The following BRI3BP variants were observed in gnomAD, a reference collection of about 807,000 sequenced individuals.
BRI3BP encodes the protein BRI3-binding protein.
Under a neutral mutation model 15.8 loss-of-function variants are expected in BRI3BP, and 7 were observed. The observed-to-expected ratio is 0.44, with a 90% CI of 0.25 to 0.83. The LOEUF is 0.83. BRI3BP is among the 40% of genes least tolerant of loss of function. The probability of loss-of-function intolerance (pLI) is 0.20; values close to 1 mark genes in which losing one functional copy is unlikely to be tolerated. For missense variants in BRI3BP, 320 were observed against 339.3 expected, an observed-to-expected ratio of 0.94 and a Z score of 0.45; for synonymous variants, 192 against 163.5, an observed-to-expected ratio of 1.17 and a Z score of -1.33.
chr12:125,024,974 T>C lies in BRI3BP; in HGVS notation c.317-17T>C. 3 of 1,600,112 alleles carry C rather than the reference T, an allele frequency of 1.9e-6. No individual in the cohort carries two copies. Among genetic ancestry groups the C allele is most frequent in the Non-Finnish European group, 2.6e-6 (3 of 1,170,582 alleles). The stretch of plus-strand genomic sequence containing the variant: ...GCCCCTGCGTAACGAGCCCTGTTCC[T>C]CTTTTCTGTCCCGCAGTCTCCAACC... On this transcript the variant is annotated splice_polypyrimidine_tract_variant and intron_variant, in intron 2 of 2. Transcript: ENST00000341446.
At chr12:125,041,114 C>T in the BRI3BP span, among the ~76,000 whole-genome samples, 1 of 151,506 alleles carries the variant, frequency 6.6e-6, no homozygotes, top group Non-Finnish European at 1.5e-5. Flanking sequence ...GGCGTGATCT[C>T]GGCTCACTGC....
At chr12:125,040,513 T>A in the BRI3BP span, among the ~76,000 whole-genome samples, 1 of 149,344 alleles carries the variant, frequency 6.7e-6, no homozygotes, top group African/African-American at 2.5e-5. Context: ...CCCAGCTAAT[T>A]TCGTATTTTT....
In BRI3BP at chr12:125,025,302, A is replaced by G. The variant is rs1181050187; in HGVS notation, c.628A>G (p.Ser210Gly). The G allele has an allele frequency of 1.2e-6, 2 of 1,613,884 alleles. No individual in the cohort carries two copies. The highest frequency in any genetic ancestry group is 1.7e-6 in the Non-Finnish European group (2 of 1,179,962). ...GGGCTTCTACTGGCGAAGCAGTCCCAGCGGCCCCAGCAACCCCAGCAACCC... is the reference window on the plus strand; with the variant it reads ...GGGCTTCTACTGGCGAAGCAGTCCCGGCGGCCCCAGCAACCCCAGCAACCC... ...PMGFYWRSSPSGPSNPSNPSV... is the reference protein window; with the variant it reads ...PMGFYWRSSPGGPSNPSNPSV... The change falls in exon 3 of 3, where the codon AGC becomes GGC. Residue 210 changes from serine (S) to glycine (G), a missense_variant. Transcript: ENST00000341446.
chr12:125,005,572 C>T (rs1358122826), intron 1 of BRI3BP, among the ~76,000 whole-genome samples: 1 of 152,132 alleles, frequency 6.6e-6, no homozygotes, highest in Non-Finnish European at 1.5e-5. Context: ...AATTCAAGAC[C>T]AGTTTGGCCA....
At chr12:125,003,011 C>G (rs1233125676) in intron 1 of BRI3BP, among the ~76,000 whole-genome samples, 2 of 152,178 alleles carry the variant, frequency 1.3e-5, no homozygotes, top group Non-Finnish European at 2.9e-5. Flanking sequence ...CTCTGTGGTT[C>G]ATACGTGGTC....
At chr12:125,007,823 G>A (rs1382772696) in intron 1 of BRI3BP, among the ~76,000 whole-genome samples, 4 of 151,758 alleles carry the variant, frequency 2.6e-5, no homozygotes, top group African/African-American at 9.7e-5. Flanking sequence ...CGTTGTTTTT[G>A]TTGCTGTGGA....
rs10572574 is a variant in BRI3BP at position 125,029,360 on chromosome 12, CAAAAAAAAAAAAA to C, written c.*3941_*3953del. On this transcript the variant is annotated 3_prime_UTR_variant, in exon 3 of 3. Transcript: ENST00000341446. ...GAAATCCCGTCTCTACCAAAAAATA[CAAAAAAAAAAAAA>C]AAAAAAAAAATAGCCAGGTGTGGTG... 1.3e-5 allele frequency: 1 copy of C among 78,688 alleles called. No homozygotes were observed. The highest frequency in any genetic ancestry group is 4.8e-5 in the African/African-American group (1 of 20,674). 4.9% of individuals were successfully genotyped at this position (78,688 alleles called of 1,614,324 possible). A position where few individuals can be genotyped will look rare whatever the true frequency, so the allele number is the denominator to read the frequency against.
the BRI3BP span, among the ~76,000 whole-genome samples, chr12:125,036,641 G>T: frequency 0.014 from 2,155 of 152,278 alleles, 43 homozygotes; most frequent in African/African-American, 0.05. Context: ...GTAGAATAAT[G>T]AAGTTTTGTG....
intron 1 of BRI3BP, among the ~76,000 whole-genome samples, chr12:125,002,461 G>GTTTT (rs773663060): frequency 8.1e-6 from 1 of 124,116 alleles, no homozygotes; most frequent in Non-Finnish European, 1.8e-5. Context: ...TTTTTGTTTT[G>GTTTT]TTTTTTTTTT....
chr12:124,999,690 T>C (rs1312552671), intron 1 of BRI3BP, among the ~76,000 whole-genome samples: 2 of 150,544 alleles, frequency 1.3e-5, no homozygotes, highest in African/African-American at 2.4e-5. Flanking sequence ...CAATTTCGGC[T>C]CACTGCAAGC....
Position 125,026,951 on chromosome 12 carries a change from TAA to T in BRI3BP, c.*1536_*1537del, listed in dbSNP as rs34513244. The T allele has an allele frequency of 4.5e-4, 58 of 129,212 alleles. No individual in the cohort carries two copies. Among genetic ancestry groups the T allele is most frequent in the Admixed American group, 4.7e-4 (6 of 12,854 alleles). 8.0% of individuals were successfully genotyped at this position (129,212 alleles called of 1,614,324 possible). On this transcript the variant is annotated 3_prime_UTR_variant, in exon 3 of 3. Coordinates refer to ENST00000341446, the MANE Select transcript of BRI3BP (RefSeq NM_080626.6). ...TAGGCAACAGAGCAAGACTTCATCT[TAA>T]AAAAAAAAAAAAAAGCCCAGCATTT...
chr12:125,049,629 C>G, the BRI3BP span, among the ~76,000 whole-genome samples: 1 of 152,124 alleles, frequency 6.6e-6, no homozygotes, highest in African/African-American at 2.4e-5. Context: ...GTGACTCCGC[C>G]CCATTGCTAA....
In BRI3BP at chr12:125,030,915, G is replaced by A. The variant is rs1320190231; in HGVS notation, c.*5485G>A. 2 of 152,068 alleles carry A rather than the reference G, an allele frequency of 1.3e-5. No homozygotes were observed. Among genetic ancestry groups the A allele is most frequent in the Non-Finnish European group, 2.9e-5 (2 of 68,024 alleles). The allele number at this position is 152,068 out of a possible 1,614,324, so 9.4% of individuals were successfully genotyped here. On this transcript the variant is annotated 3_prime_UTR_variant, in exon 3 of 3. Coordinates refer to ENST00000341446, the MANE Select transcript of BRI3BP (RefSeq NM_080626.6). ...TAAATTTTGTATAGCATTTAATTTG[G>A]CACTTAATATAAATCCATTTGATTT...
At chr12:125,019,616 T>C (rs966978038) in intron 2 of BRI3BP, among the ~76,000 whole-genome samples, 5 of 149,914 alleles carry the variant, frequency 3.3e-5, no homozygotes, top group African/African-American at 1.2e-4. Context: ...CAAAATATCT[T>C]ATTAACATTA....
chr12:125,016,825 C>CTTTTTTTTTT lies in BRI3BP; in HGVS notation c.316+4207_316+4216dup, dbSNP rs58016016. ...ACGGGCATGAGCCACTGCGCCCAGC[C>CTTTTTTTTTT]TTTTTTTTTTTTTTTTTTTTTTTTT... is the stretch of plus-strand genomic sequence containing the variant. On this transcript the variant is annotated intron_variant, in intron 2 of 2. Transcript: ENST00000341446. Among the ~76,000 whole-genome samples, 92 of 39,806 alleles carry CTTTTTTTTTT rather than the reference C, an allele frequency of 2.3e-3. 12 individuals carry two copies. Among genetic ancestry groups the CTTTTTTTTTT allele is most frequent in the Non-Finnish European group, 2.8e-3 (63 of 22,194 alleles). 26.1% of individuals were successfully genotyped at this position (39,806 alleles called of 152,430 possible). A position where few individuals can be genotyped will look rare whatever the true frequency, so the allele number is the denominator to read the frequency against.
At chr12:125,001,124 G>T (rs562726535) in intron 1 of BRI3BP, among the ~76,000 whole-genome samples, 2 of 151,466 alleles carry the variant, frequency 1.3e-5, no homozygotes, top group African/African-American at 4.9e-5. Context: ...GCGCGATCTC[G>T]GCCCACTGCA....
chr12:125,019,657 TGCC>T (rs369234254), intron 2 of BRI3BP, among the ~76,000 whole-genome samples: 7,600 of 32,852 alleles, frequency 0.23, 858 homozygotes, highest in South Asian at 0.36. Context: ...TTTTTTTTTT[TGCC>T]TTTTTTGCTG....
Position 124,993,670 on chromosome 12 carries a change from C to A in BRI3BP, c.-121C>A. ...GGTGGCGCAGCAGCGGCGGCGGCGG[C>A]TGTGGGTAAAGGCGCGGCGCGCGGC... On this transcript the variant is annotated 5_prime_UTR_variant, in exon 1 of 3. It adds an upstream start codon to the 5' untranslated region. Coordinates refer to ENST00000341446, the MANE Select transcript of BRI3BP (RefSeq NM_080626.6). 2.1e-6 allele frequency: 1 copy of A among 465,332 alleles called. No individual in the cohort carries two copies. The highest frequency in any genetic ancestry group is 2.8e-6 in the Non-Finnish European group (1 of 357,246). The allele number at this position is 465,332 out of a possible 1,614,324, so 28.8% of individuals were successfully genotyped here.
At chr12:125,014,081 C>T (rs1171428784) in intron 2 of BRI3BP, among the ~76,000 whole-genome samples, 2 of 152,118 alleles carry the variant, frequency 1.3e-5, no homozygotes, top group Admixed American at 6.6e-5. Flanking sequence ...TGTCCCTTAC[C>T]GCCTTAAGAG....
Sources: allele counts gnomAD v4.1 joint callset (sites outside exome capture counted in the v4.1 genomes callset), GRCh38; gene constraint gnomAD v4.1.1; transcripts MANE v1.5; gene names NCBI Gene and HGNC (gene_info 2026-07-23, HGNC 2026-07-21).